LONRF2: variants seen among roughly 807,000 people sequenced by gnomAD.
LONRF2 encodes LON peptidase N-terminal domain and RING finger protein 2.
LONRF2 carries 35 observed loss-of-function variants against 66.6 expected under a neutral mutation model. The observed-to-expected ratio is 0.53, with a 90% CI of 0.40 to 0.70. The LOEUF (loss-of-function observed/expected upper bound fraction) is 0.70, where lower values mean the gene tolerates loss of function less well. Among genes scored for constraint, LONRF2 ranks in the 30% least tolerant of loss-of-function variants. The probability of loss-of-function intolerance (pLI) is 0.00; values close to 1 mark genes in which losing one functional copy is unlikely to be tolerated. For missense variants in LONRF2, 902 were observed against 1,002.1 expected (o/e 0.90, Z 1.35); for synonymous variants, 417 against 418.1 (o/e 1.00, Z 0.03).
intron 6 of LONRF2, 22 bp from the exon 7 acceptor site, chr2:100,298,972 C>A (rs1304241787): frequency 2.6e-6 from 4 of 1,563,192 alleles, no homozygotes; most frequent in Non-Finnish European, 3.5e-6. Context: ...TATCTGTTTT[C>A]AGCCAGAAAT....
At chr2:100,311,716 G>C (rs550401239) in intron 1 of LONRF2, among the ~76,000 whole-genome samples, 1 of 152,090 alleles carries the variant, frequency 6.6e-6, no homozygotes, top group African/African-American at 2.4e-5. Context: ...CAAGTTAGGT[G>C]ATTTCTCTCC....
chr2:100,299,103 A>C (rs759373312), intron 6 of LONRF2, 123 bp downstream of exon 6: 17 of 865,082 alleles, frequency 2.0e-5, no homozygotes, highest in Non-Finnish European at 2.9e-5. Flanking sequence ...TCTTTAGAAA[A>C]TAAATCAATT....
At chr2:100,298,502 A>G (rs1256962108) in intron 7 of LONRF2, among the ~76,000 whole-genome samples, 1 of 152,234 alleles carries the variant, frequency 6.6e-6, no homozygotes, top group Non-Finnish European at 1.5e-5. Context: ...TCTCAAGATG[A>G]AAAAGAGAAT....
chr2:100,313,970 A>C (rs557057117), intron 1 of LONRF2, among the ~76,000 whole-genome samples: 1 of 152,124 alleles, frequency 6.6e-6, no homozygotes, highest in Non-Finnish European at 1.5e-5. Context: ...GTAATATTAC[A>C]CTGTATGACT....
intron 7 of LONRF2, 131 bp from the exon 8 acceptor site, chr2:100,295,684 G>C (rs1452407316): frequency 3.6e-6 from 3 of 836,822 alleles, no homozygotes; most frequent in Non-Finnish European, 5.4e-6. Context: ...GGGATGGAGA[G>C]AGAGGCGGGC....
intron 4 of LONRF2, 73 bp downstream of exon 4, chr2:100,300,571 G>C (rs1416429136): frequency 1.1e-5 from 15 of 1,424,860 alleles, no homozygotes; most frequent in Non-Finnish European, 1.3e-5. Context: ...TGAATAATCT[G>C]TAAACTGTTT....
At chr2:100,308,929 T>C (rs1224871591) in intron 2 of LONRF2, among the ~76,000 whole-genome samples, 178 bp downstream of exon 2, 2 of 152,232 alleles carry the variant, frequency 1.3e-5, no homozygotes, top group Non-Finnish European at 2.9e-5. Flanking sequence ...CAGTTGGAGA[T>C]TTAGTCTTTT....
At position 100,272,883 on chromosome 2, in the gene LONRF2, TC is replaced by T. The variant is rs1444959856; in HGVS notation, c.*11414del. Among the ~76,000 whole-genome samples the T allele has an allele frequency of 6.6e-6, 1 of 152,210 alleles. No homozygotes were observed. The highest frequency in any genetic ancestry group is 1.5e-5 in the Non-Finnish European group (1 of 68,044). ...ATTGGCAGCCCTCTTTCCTTTTTTT[TC>T]CTACTAAAATTAAATTGGAATCGTT... On this transcript the variant is annotated 3_prime_UTR_variant, in exon 12 of 12. Coordinates refer to ENST00000393437, the MANE Select transcript of LONRF2 (RefSeq NM_198461.4).
chr2:100,321,921 C>A lies in LONRF2; in HGVS notation c.173G>T (p.Arg58Leu). Residue 58 changes from arginine to leucine, a missense_variant, in exon 1 of 12, where the codon CGC (arginine) becomes CTC (leucine). Physicochemically the swap from Arg to Leu is moderately radical, Grantham distance 102. Transcript: ENST00000393437. ...GTCCCCCAGCCTCAGGCACAGGCCG[C>A]GGTCCGGCTGCGCCAGCCCGGCTAG... ...SMLAGLAQPD[R>L]GLCLRLGDAL... 2 of 1,366,610 alleles carry A rather than the reference C, an allele frequency of 1.5e-6. No individual in the cohort carries two copies. Among genetic ancestry groups the A allele is most frequent in the Non-Finnish European group, 9.5e-7 (1 of 1,057,518 alleles). The allele number at this position is 1,366,610 out of a possible 1,614,324, so 84.7% of individuals were successfully genotyped here.
intron 1 of LONRF2, among the ~76,000 whole-genome samples, chr2:100,320,646 A>G (rs1306822384): frequency 1.3e-5 from 2 of 152,214 alleles, no homozygotes; most frequent in Non-Finnish European, 2.9e-5. Flanking sequence ...GAAACCAGAA[A>G]GCAAACCGTC....
In LONRF2 at chr2:100,298,802, G is replaced by A. The variant is rs771510157; in HGVS notation, c.1476+34C>T. On this transcript the variant is annotated intron_variant, in intron 7 of 11. Transcript: ENST00000393437. ...AAGCGTCCACCAAGGGATGAGAGGAGGAGCTGTCCCGTCATTTCCTAAAGT... is the reference window on the plus strand; with the variant it reads ...AAGCGTCCACCAAGGGATGAGAGGAAGAGCTGTCCCGTCATTTCCTAAAGT... The A allele has an allele frequency of 4.7e-6, 7 of 1,497,388 alleles. No homozygotes were observed. In the African/African-American group the frequency reaches 9.6e-5, roughly 21 times the overall value. The allele number at this position is 1,497,388 out of a possible 1,614,324, so 92.8% of individuals were successfully genotyped here.
In LONRF2 at chr2:100,283,356, T is replaced by A. The variant is rs1025168683; in HGVS notation, c.*942A>T. The A allele has an allele frequency of 3.9e-5, 6 of 152,216 alleles. No homozygotes were observed. The highest frequency in any genetic ancestry group is 1.4e-4 in the African/African-American group (6 of 41,440). The allele number at this position is 152,216 out of a possible 1,614,324, so 9.4% of individuals were successfully genotyped here. On this transcript the variant is annotated 3_prime_UTR_variant, in exon 12 of 12. Coordinates refer to ENST00000393437, the MANE Select transcript of LONRF2 (RefSeq NM_198461.4). ...GATTACCATGGCATGGCAGATTTTT[T>A]AATGTTTTTGTATATTAATAAATGG...
chr2:100,307,265 T>C (rs928235055), intron 2 of LONRF2, among the ~76,000 whole-genome samples: 2 of 152,202 alleles, frequency 1.3e-5, no homozygotes, highest in Non-Finnish European at 2.9e-5. Context: ...TGCTCTTCAC[T>C]GGGCATCTGT....
chr2:100,294,480 C>A, intron 8 of LONRF2, 93 bp from the exon 9 acceptor site: 1 of 1,161,706 alleles, frequency 8.6e-7, no homozygotes, highest in Non-Finnish European at 1.2e-6. Flanking sequence ...CAGCCAACCT[C>A]AGTTCTCCCC....
chr2:100,299,025 T>C (rs1283515683), intron 6 of LONRF2, 75 bp from the exon 7 acceptor site: 1 of 1,162,346 alleles, frequency 8.6e-7, no homozygotes. Flanking sequence ...TTTTGAAGGA[T>C]TCCTTATGCA....
intron 8 of LONRF2, 74 bp downstream of exon 8, chr2:100,295,358 A>T: frequency 6.8e-7 from 1 of 1,460,552 alleles, no homozygotes; most frequent in Non-Finnish European, 9.2e-7. Context: ...ATGAAAAGAA[A>T]ATCTGAGGTG....
chr2:100,289,069 T>C (rs1045582823), intron 10 of LONRF2, among the ~76,000 whole-genome samples: 1 of 152,242 alleles, frequency 6.6e-6, no homozygotes, highest in Non-Finnish European at 1.5e-5. Context: ...TATTTAGCTT[T>C]GGGAGGTATT....
rs1674713863 is a variant in LONRF2, at chr2:100,281,375, G to A, written c.*2923C>T. On this transcript the variant is annotated 3_prime_UTR_variant, in exon 12 of 12. Transcript: ENST00000393437. ...ACCCTAAAAATGAGATAATACTGTT[G>A]AATTTGGTACATGAATTGGTTAAGA... is the stretch of plus-strand genomic sequence containing the variant. 6.6e-6 allele frequency: 1 copy of A among 152,124 alleles called. No homozygotes were observed. Among genetic ancestry groups the A allele is most frequent in the South Asian group, 2.1e-4 (1 of 4,826 alleles). The allele number at this position is 152,124 out of a possible 1,614,324, so 9.4% of individuals were successfully genotyped here.
rs1211309872 is a variant in LONRF2, at chr2:100,281,388, G to A, written c.*2910C>T. On this transcript the variant is annotated 3_prime_UTR_variant, in exon 12 of 12. Transcript: ENST00000393437. ...GATAATACTGTTGAATTTGGTACAT[G>A]AATTGGTTAAGAATTATTGTGTTTC... is the stretch of plus-strand genomic sequence containing the variant. 2 of 152,118 alleles carry A rather than the reference G, an allele frequency of 1.3e-5. No homozygotes were observed. Among genetic ancestry groups the A allele is most frequent in the Non-Finnish European group, 2.9e-5 (2 of 68,024 alleles). 9.4% of individuals were successfully genotyped at this position (152,118 alleles called of 1,614,324 possible).
Sources: gnomAD v4.1 joint callset for allele counts (sites outside exome capture counted in the v4.1 genomes callset) on GRCh38, gnomAD v4.1.1 for gene constraint, MANE v1.5 for transcripts, NCBI Gene and HGNC (gene_info 2026-07-23, HGNC 2026-07-21) for gene names.